The following RLN2 variants were observed in gnomAD, a reference collection of about 807,000 sequenced individuals.
RLN2 encodes the protein relaxin 2, also known as prorelaxin H2.
RLN2 carries 10 observed loss-of-function variants against 7.3 expected under a neutral mutation model. That is an observed-to-expected ratio of 1.36 (90% CI 0.84 to 2.31). RLN2 has a LOEUF of 2.31. Among genes scored for constraint, RLN2 ranks in the 30% most tolerant of loss-of-function variants. The pLI is 0.00. For synonymous variants in RLN2, 103 were observed against 82.3 expected, an observed-to-expected ratio of 1.25 and a Z score of -1.36; for missense variants, 298 against 217.6, an observed-to-expected ratio of 1.37 and a Z score of -2.32.
chr9:5,335,495 C>G, the RLN2 span: 8 of 1,613,228 alleles, frequency 5.0e-6, no homozygotes, highest in South Asian at 5.5e-5. Flanking sequence ...TGATGGTTGC[C>G]TCTCAGATAG....
chr9:5,306,211 A>G (rs1382080235), upstream of RLN2, among the ~76,000 whole-genome samples: 2 of 149,976 alleles, frequency 1.3e-5, no homozygotes, highest in Non-Finnish European at 3.0e-5. Context: ...AGGTTCAAGC[A>G]ATTCTCCTGC....
chr9:5,328,761 A>G, the RLN2 span, among the ~76,000 whole-genome samples: 3 of 67,056 alleles, frequency 4.5e-5, no homozygotes, highest in Non-Finnish European at 7.8e-5. Flanking sequence ...AATATTCAAC[A>G]TTCTTAAAGA....
upstream of RLN2, among the ~76,000 whole-genome samples, chr9:5,305,359 CCACACA>C (rs34733616): frequency 0.018 from 2,230 of 121,836 alleles, 40 homozygotes; most frequent in South Asian, 0.031. Context: ...GGAGAACATA[CCACACA>C]CACACACACA....
chr9:5,318,114 C>T, the RLN2 span, among the ~76,000 whole-genome samples: 153 of 151,942 alleles, frequency 1.0e-3, 3 homozygotes, highest in Middle Eastern at 0.01. Context: ...TCAGGTGATC[C>T]GCCTGCCTTG....
the RLN2 span, among the ~76,000 whole-genome samples, chr9:5,327,004 C>T: frequency 0.02 from 3,075 of 152,118 alleles, 154 homozygotes; most frequent in African/African-American, 0.071. Context: ...GATTTCTGCA[C>T]TTCCAACTGA....
rs768189154 is a variant in RLN2, at chr9:5,301,712, G to C, written c.212-1268C>G. Among the ~76,000 whole-genome samples, 10 of 152,240 alleles carry C rather than the reference G, an allele frequency of 6.6e-5. No individual in the cohort carries two copies. The Middle Eastern group carries it at 0.017, about 259-fold the overall frequency. ...ATGCCTGCTGATCAGAGGAAACCAC[G>C]ACCCTTCACCTAGACAGCGGTGGTT... On this transcript the variant is annotated intron_variant, in intron 1 of 1. Transcript: ENST00000381627.
chr9:5,325,977 G>C, the RLN2 span, among the ~76,000 whole-genome samples: 6 of 151,950 alleles, frequency 3.9e-5, no homozygotes, highest in African/African-American at 9.7e-5. Context: ...ACAGACACTT[G>C]TCTCATTTCA....
the RLN2 span, among the ~76,000 whole-genome samples, chr9:5,318,639 T>C: frequency 6.6e-6 from 1 of 152,024 alleles, no homozygotes; most frequent in African/African-American, 2.4e-5. Context: ...ACAATCTTAA[T>C]TTTCTTCTTA....
the RLN2 span, among the ~76,000 whole-genome samples, chr9:5,335,985 T>C: frequency 6.6e-6 from 1 of 152,210 alleles, no homozygotes; most frequent in South Asian, 2.1e-4. Context: ...CTCGTTTTCT[T>C]CCATTGCTAA....
chr9:5,317,570 G>A, the RLN2 span, among the ~76,000 whole-genome samples: 6 of 150,564 alleles, frequency 4.0e-5, no homozygotes, highest in Admixed American at 6.7e-5. Flanking sequence ...GTATTAGTAC[G>A]AGAAAAAAAC....
At chr9:5,324,391 C>G in the RLN2 span, among the ~76,000 whole-genome samples, 1 of 151,904 alleles carries the variant, frequency 6.6e-6, no homozygotes, top group Non-Finnish European at 1.5e-5. Context: ...TGAAAATAAT[C>G]ATTTTACATT....
At chr9:5,336,927 G>A in the RLN2 span, among the ~76,000 whole-genome samples, 1 of 151,912 alleles carries the variant, frequency 6.6e-6, no homozygotes, top group African/African-American at 2.4e-5. Context: ...TGTGGCAAAA[G>A]AATCAGTTGT....
At chr9:5,314,698 C>G in the RLN2 span, among the ~76,000 whole-genome samples, 1 of 152,010 alleles carries the variant, frequency 6.6e-6, no homozygotes, top group Non-Finnish European at 1.5e-5. Flanking sequence ...GGAATGGAAT[C>G]ATTGCAGCAC....
chr9:5,315,117 C>G, the RLN2 span, among the ~76,000 whole-genome samples: 25 of 151,278 alleles, frequency 1.7e-4, no homozygotes, highest in African/African-American at 6.1e-4. Flanking sequence ...CAGTAACTGA[C>G]CCCAAAGAAA....
chr9:5,318,233 C>T, the RLN2 span, among the ~76,000 whole-genome samples: 145,409 of 152,094 alleles, frequency 0.96, 69,592 homozygotes, highest in East Asian at 1. Context: ...CACCCTGCCA[C>T]TTTTATTTTC....
At chr9:5,337,542 C>T in the RLN2 span, among the ~76,000 whole-genome samples, 58,949 of 151,600 alleles carry the variant, frequency 0.39, 11,985 homozygotes, top group Non-Finnish European at 0.44. Flanking sequence ...GTGAATATTA[C>T]TTTGGCACAC....
chr9:5,324,006 C>T, the RLN2 span, among the ~76,000 whole-genome samples: 7 of 151,908 alleles, frequency 4.6e-5, no homozygotes, highest in African/African-American at 1.7e-4. Context: ...AAGATCACAC[C>T]ACTGCACTCC....
chr9:5,334,308 C>T, the RLN2 span, among the ~76,000 whole-genome samples: 1 of 152,052 alleles, frequency 6.6e-6, no homozygotes, highest in South Asian at 2.1e-4. Flanking sequence ...TGAGAAGCAA[C>T]TTCAGCAAAA....
chr9:5,320,391 C>A, the RLN2 span, among the ~76,000 whole-genome samples: 1 of 151,838 alleles, frequency 6.6e-6, no homozygotes, highest in East Asian at 1.9e-4. Flanking sequence ...AATTTTTTGA[C>A]ACAGGGTGCC....
Sources: gnomAD v4.1 joint callset for allele counts (sites outside exome capture counted in the v4.1 genomes callset) on GRCh38, gnomAD v4.1.1 for gene constraint, MANE v1.5 for transcripts, NCBI Gene and HGNC (gene_info 2026-07-23, HGNC 2026-07-21) for gene names.